The following TSPAN18 variants were observed in gnomAD, a reference collection of about 807,000 sequenced individuals.
TSPAN18 encodes tetraspanin 18, also known as tetraspanin-18.
In TSPAN18, 14 loss-of-function variants were observed where a neutral mutation model predicts 27.3. The observed-to-expected ratio is 0.51, with a 90% CI of 0.34 to 0.80. The LOEUF is 0.80. Ranked by LOEUF, TSPAN18 falls within the 30% of genes least tolerant of loss-of-function variation. The pLI, the probability that TSPAN18 is intolerant of heterozygous loss-of-function variation, is 0.01. For missense variants in TSPAN18, 268 were observed against 323.9 expected (o/e 0.83, Z 1.32); for synonymous variants, 143 against 136.5 (o/e 1.05, Z -0.33).
At chr11:44,852,210 A>G (rs1857624142) in intron 2 of TSPAN18, among the ~76,000 whole-genome samples, 1 of 152,230 alleles carries the variant, frequency 6.6e-6, no homozygotes, top group African/African-American at 2.4e-5. Flanking sequence ...GTTTATAACA[A>G]CAACAAAATA....
At position 44,919,210 on chromosome 11, in the gene TSPAN18, C is replaced by T; in HGVS notation, c.334-4C>T. 2 of 1,613,792 alleles carry T rather than the reference C, an allele frequency of 1.2e-6. No individual in the cohort carries two copies. Among genetic ancestry groups the T allele is most frequent in the South Asian group, 1.1e-5 (1 of 91,064 alleles). On this transcript the variant is annotated splice_polypyrimidine_tract_variant and splice_region_variant and intron_variant, in intron 6 of 9. Coordinates refer to ENST00000520358, the MANE Select transcript of TSPAN18 (RefSeq NM_130783.5). Reference sequence around the variant, plus strand: ...CTAAGCCCATCTTCTCCCTCTGCCCCCAGCTCACCCGAGAATTCTTCACCA... The same window carrying T: ...CTAAGCCCATCTTCTCCCTCTGCCCTCAGCTCACCCGAGAATTCTTCACCA...
At chr11:44,758,263 G>A (rs940042544) in intron 1 of TSPAN18, among the ~76,000 whole-genome samples, 15 of 152,150 alleles carry the variant, frequency 9.9e-5, no homozygotes, top group African/African-American at 3.4e-4. Context: ...CATTATAAAA[G>A]GGTGTTGAAT....
intron 1 of TSPAN18, among the ~76,000 whole-genome samples, chr11:44,729,391 C>A (rs1854597669): frequency 1.3e-5 from 2 of 152,166 alleles, no homozygotes; most frequent in Non-Finnish European, 2.9e-5. Context: ...TTCCCGTGTT[C>A]TGTCCCTCCC....
intron 4 of TSPAN18, among the ~76,000 whole-genome samples, chr11:44,908,779 GAAAGAAAGAA>G: frequency 9.5e-6 from 1 of 105,784 alleles, no homozygotes; most frequent in Non-Finnish European, 1.9e-5. Context: ...GAGAAAGAAA[GAAAGAAAGAA>G]AGAAAGAAAG....
intron 1 of TSPAN18, among the ~76,000 whole-genome samples, chr11:44,762,341 C>A (rs774163467): frequency 6.6e-6 from 1 of 152,190 alleles, no homozygotes; most frequent in Non-Finnish European, 1.5e-5. Flanking sequence ...ATATCATTGA[C>A]AAATGATATT....
At chr11:44,878,307 C>G (rs12288033) in intron 3 of TSPAN18, among the ~76,000 whole-genome samples, 9 of 152,240 alleles carry the variant, frequency 5.9e-5, no homozygotes, top group Middle Eastern at 3.4e-3. Context: ...GGGCGCCGCC[C>G]CAGGAGGGAA....
chr11:44,835,096 G>C (rs556650429), intron 2 of TSPAN18, among the ~76,000 whole-genome samples: 1 of 152,334 alleles, frequency 6.6e-6, no homozygotes, highest in Non-Finnish European at 1.5e-5. Flanking sequence ...CCTGCACACG[G>C]GAGCAGGGGG....
chr11:44,762,294 C>T (rs1380604572), intron 1 of TSPAN18, among the ~76,000 whole-genome samples: 1 of 152,180 alleles, frequency 6.6e-6, no homozygotes, highest in Admixed American at 6.5e-5. Context: ...GGATACTGTG[C>T]AGCTATGAAA....
intron 8 of TSPAN18, among the ~76,000 whole-genome samples, chr11:44,922,525 G>A (rs915865168): frequency 2.0e-5 from 3 of 152,174 alleles, no homozygotes; most frequent in Non-Finnish European, 4.4e-5. Flanking sequence ...GATGCATGGC[G>A]TGGCCACAGG....
At chr11:44,748,126 G>C (rs1855125261) in intron 1 of TSPAN18, among the ~76,000 whole-genome samples, 1 of 152,164 alleles carries the variant, frequency 6.6e-6, no homozygotes, top group East Asian at 1.9e-4. Flanking sequence ...ATCATTTTCT[G>C]GCCGGGCATG....
At chr11:44,794,467 A>G (rs1856301308) in intron 2 of TSPAN18, among the ~76,000 whole-genome samples, 2 of 152,196 alleles carry the variant, frequency 1.3e-5, no homozygotes, top group Non-Finnish European at 2.9e-5. Flanking sequence ...CAGGAGTTCA[A>G]GACCAGCCTG....
rs1860503053 is a variant in TSPAN18 at position 44,929,935 on chromosome 11, G to GCATCC, written c.*759_*763dup. On this transcript the variant is annotated 3_prime_UTR_variant, in exon 10 of 10. Coordinates refer to ENST00000520358, the MANE Select transcript of TSPAN18 (RefSeq NM_130783.5). ...CTGCCCACATGCACCCCTGGCCTCA[G>GCATCC]CATCCCGGTTCCCCCAGACAAGAGA... 2 of 152,412 alleles carry GCATCC rather than the reference G, an allele frequency of 1.3e-5. No homozygotes were observed. The highest frequency in any genetic ancestry group is 4.8e-5 in the African/African-American group (2 of 41,448). The allele number at this position is 152,412 out of a possible 1,614,324, so 9.4% of individuals were successfully genotyped here. A position where few individuals can be genotyped will look rare whatever the true frequency, so the allele number is the denominator to read the frequency against.
At chr11:44,842,030 G>T (rs1374228832) in intron 2 of TSPAN18, among the ~76,000 whole-genome samples, 2 of 152,232 alleles carry the variant, frequency 1.3e-5, no homozygotes, top group African/African-American at 2.4e-5. Flanking sequence ...GGGAAACTGA[G>T]CCCCAGAGGT....
At chr11:44,871,857 C>G (rs191312280) in intron 3 of TSPAN18, among the ~76,000 whole-genome samples, 14 of 152,306 alleles carry the variant, frequency 9.2e-5, no homozygotes, top group African/African-American at 3.1e-4. Context: ...AAAAGCCACT[C>G]ACTATGCCCT....
At chr11:44,921,137 C>T (rs565211046) in intron 8 of TSPAN18, among the ~76,000 whole-genome samples, 76 of 152,310 alleles carry the variant, frequency 5.0e-4, no homozygotes, top group Non-Finnish European at 8.4e-4. Context: ...CTCTGTCCCT[C>T]ATCACCCTGC....
intron 2 of TSPAN18, among the ~76,000 whole-genome samples, chr11:44,802,475 C>A (rs903119736): frequency 3.3e-5 from 5 of 152,112 alleles, no homozygotes; most frequent in African/African-American, 7.2e-5. Flanking sequence ...TTAAATAAAT[C>A]CCTCTGGCTG....
chr11:44,804,506 G>A (rs1435350624), intron 2 of TSPAN18, among the ~76,000 whole-genome samples: 3 of 152,130 alleles, frequency 2.0e-5, no homozygotes, highest in African/African-American at 7.2e-5. Flanking sequence ...AAATATTTGT[G>A]GACTGAAGGA....
At chr11:44,794,670 G>T (rs1236857396) in intron 2 of TSPAN18, among the ~76,000 whole-genome samples, 1 of 140,938 alleles carries the variant, frequency 7.1e-6, no homozygotes, top group African/African-American at 2.6e-5. Context: ...TCTGTCTCAG[G>T]AAAAAAAAAA....
intron 4 of TSPAN18, among the ~76,000 whole-genome samples, chr11:44,908,056 G>A (rs143635659): frequency 8.2e-4 from 103 of 124,922 alleles, no homozygotes; most frequent in South Asian, 1.9e-3. Context: ...CTCCGTCTCA[G>A]AAAAAAAAAA....
Sources: gnomAD v4.1 joint callset for allele counts (sites outside exome capture counted in the v4.1 genomes callset) on GRCh38, gnomAD v4.1.1 for gene constraint, MANE v1.5 for transcripts, NCBI Gene and HGNC (gene_info 2026-07-23, HGNC 2026-07-21) for gene names.